ANK2: variants seen among roughly 807,000 people sequenced by gnomAD.
The protein encoded by ANK2 is ankyrin-2.
A neutral mutation model predicts 360.5 loss-of-function variants in ANK2; 83 were observed. The observed-to-expected ratio is 0.23, with a 90% CI of 0.19 to 0.28. The LOEUF is 0.28. Among genes scored for constraint, ANK2 ranks in the 10% least tolerant of loss-of-function variants. The pLI, the probability that ANK2 is intolerant of heterozygous loss-of-function variation, is 1.00. For synonymous variants in ANK2, 1,740 were observed against 1,759.5 expected (o/e 0.99, Z 0.28); for missense variants, 4,201 against 4,795.7 (o/e 0.88, Z 3.66).
At chr4:113,063,651 A>G (rs2074437767) in intron 1 of ANK2, among the ~76,000 whole-genome samples, 2 of 152,212 alleles carry the variant, frequency 1.3e-5, no homozygotes, top group Admixed American at 1.3e-4. Context: ...TTTGAAAAAT[A>G]CTTGAGAATT....
At chr4:112,731,450 G>A in the ANK2 span, among the ~76,000 whole-genome samples, 1 of 151,722 alleles carries the variant, frequency 6.6e-6, no homozygotes, top group Non-Finnish European at 1.5e-5. Flanking sequence ...TAGGCCGAGC[G>A]CAGTGGCTCA....
chr4:113,048,246 GTGTATATATATATATA>G (rs1163660310), upstream of ANK2, among the ~76,000 whole-genome samples: 5 of 54,604 alleles, frequency 9.2e-5, no homozygotes, highest in African/African-American at 4.0e-4. Context: ...ATCTACAAGT[GTGTATATATATATATA>G]TATATATATA....
chr4:112,939,069 G>A (rs952456959), intron 2 of ANK2, among the ~76,000 whole-genome samples: 40 of 151,928 alleles, frequency 2.6e-4, no homozygotes, highest in Admixed American at 1.9e-3. Flanking sequence ...TTTTTTGTGC[G>A]TTATAGTTTT....
chr4:113,365,318 T>C (rs2096479721), intron 41 of ANK2, 136 bp downstream of exon 41: 2 of 949,390 alleles, frequency 2.1e-6, no homozygotes, highest in African/African-American at 1.6e-5. Flanking sequence ...GGTGATCATA[T>C]GTTCTTTTCC....
intron 14 of ANK2, among the ~76,000 whole-genome samples, chr4:113,265,657 C>G (rs569842006): frequency 6.6e-6 from 1 of 152,226 alleles, no homozygotes; most frequent in South Asian, 2.1e-4. Context: ...ATCTTACTTT[C>G]CAATTTATTT....
In ANK2 at chr4:113,180,482, T is replaced by G. The variant is rs28672777; in HGVS notation, c.186+5965T>G. Among the ~76,000 whole-genome samples, 1,087 of 152,294 alleles carry G rather than the reference T, an allele frequency of 7.1e-3. 18 individuals are homozygous for G. The highest frequency in any genetic ancestry group is 0.025 in the African/African-American group (1,034 of 41,546). On this transcript the variant is annotated intron_variant, in intron 2 of 45. Transcript: ENST00000357077. Reference sequence around the variant, plus strand: ...AAGCTTTAGCAAAAGTAGCACTGATTCGCACAAGCAGGACAGAACATAAAA... The same window carrying G: ...AAGCTTTAGCAAAAGTAGCACTGATGCGCACAAGCAGGACAGAACATAAAA...
intron 1 of ANK2, among the ~76,000 whole-genome samples, chr4:112,845,665 C>T (rs1377064402): frequency 1.3e-5 from 2 of 152,208 alleles, no homozygotes; most frequent in Admixed American, 6.5e-5. Context: ...AATTAACTGA[C>T]ATTCACTTCC....
intron 1 of ANK2, among the ~76,000 whole-genome samples, chr4:112,870,292 C>G (rs1453537833): frequency 6.6e-6 from 1 of 152,166 alleles, no homozygotes; most frequent in Non-Finnish European, 1.5e-5. Flanking sequence ...CCTCACCTGG[C>G]CATATTATTT....
chr4:113,026,398 C>A (rs1228491438), intron 2 of ANK2, among the ~76,000 whole-genome samples: 2 of 152,170 alleles, frequency 1.3e-5, no homozygotes, highest in Admixed American at 6.6e-5. Context: ...TCCTGAAGAT[C>A]CTTTCTGTGC....
intron 23 of ANK2, among the ~76,000 whole-genome samples, chr4:113,303,972 A>C (rs1184861046): frequency 6.6e-6 from 1 of 152,244 alleles, no homozygotes; most frequent in Non-Finnish European, 1.5e-5. Flanking sequence ...CAACTTGTTG[A>C]ATCACCTATT....
chr4:112,708,077 A>T, the ANK2 span, among the ~76,000 whole-genome samples: 6 of 152,232 alleles, frequency 3.9e-5, no homozygotes, highest in Non-Finnish European at 7.3e-5. Context: ...GAACAGAAGT[A>T]CTGACAACCT....
At chr4:113,211,411 T>G (rs2099019610) in intron 4 of ANK2, among the ~76,000 whole-genome samples, 1 of 152,200 alleles carries the variant, frequency 6.6e-6, no homozygotes, top group Non-Finnish European at 1.5e-5. Flanking sequence ...GACAACATCA[T>G]CTAAGATGGA....
At chr4:113,176,526 G>T (rs569953001) in intron 2 of ANK2, among the ~76,000 whole-genome samples, 162 of 151,900 alleles carry the variant, frequency 1.1e-3, no homozygotes, top group African/African-American at 3.8e-3. Flanking sequence ...GTTACCTTAA[G>T]AAAGAAAGAA....
chr4:112,774,993 AAC>A, the ANK2 span, among the ~76,000 whole-genome samples: 1 of 152,192 alleles, frequency 6.6e-6, no homozygotes. Context: ...ACTGATATTC[AAC>A]ACAGTCTCTC....
chr4:112,766,087 C>T, the ANK2 span, among the ~76,000 whole-genome samples: 1 of 152,240 alleles, frequency 6.6e-6, no homozygotes, highest in East Asian at 1.9e-4. Flanking sequence ...GTAATTCCAG[C>T]ACTTTGGGAG....
chr4:112,844,075 A>G (rs2062758625), intron 1 of ANK2, among the ~76,000 whole-genome samples: 1 of 152,230 alleles, frequency 6.6e-6, no homozygotes, highest in Non-Finnish European at 1.5e-5. Context: ...AGATGTGTGG[A>G]AAAATTTACT....
rs28507167 is a variant in ANK2, at chr4:113,026,333, G to A, written c.21+121819G>A. Reference sequence around the variant, plus strand: ...ACAAAACCCAAACCCCAACCATGTGGACTGAATGAAACACAACAAAGCCAT... The same window carrying A: ...ACAAAACCCAAACCCCAACCATGTGAACTGAATGAAACACAACAAAGCCAT... On this transcript the variant is annotated intron_variant, in intron 2 of 30. Transcript: ENST00000503271. Among the ~76,000 whole-genome samples, 1,015 of 152,198 alleles carry A rather than the reference G, an allele frequency of 6.7e-3. 11 individuals carry two copies. Among genetic ancestry groups the A allele is most frequent in the African/African-American group, 0.023 (965 of 41,534 alleles).
the ANK2 span, among the ~76,000 whole-genome samples, chr4:112,810,933 T>TCTTTC: frequency 6.0e-5 from 8 of 133,168 alleles, no homozygotes; most frequent in East Asian, 1.2e-3. Flanking sequence ...TTTCTTTCTT[T>TCTTTC]TTTTTTTTTT....
At chr4:113,349,968 C>G (rs776014413) in intron 36 of ANK2, among the ~76,000 whole-genome samples, 34 of 152,206 alleles carry the variant, frequency 2.2e-4, no homozygotes, top group Non-Finnish European at 4.0e-4. Flanking sequence ...TCAAAACCAG[C>G]CTGGGTCATA....
Sources: gnomAD v4.1 joint callset for allele counts (sites outside exome capture counted in the v4.1 genomes callset) on GRCh38, gnomAD v4.1.1 for gene constraint, MANE v1.5 for transcripts, NCBI Gene and HGNC (gene_info 2026-07-23, HGNC 2026-07-21) for gene names.